The following STX3 variants were observed in gnomAD, a reference collection of about 807,000 sequenced individuals.
STX3 encodes the protein syntaxin-3.
A neutral mutation model predicts 40.2 loss-of-function variants in STX3; 19 were observed. That is an observed-to-expected ratio of 0.47 (90% CI 0.33 to 0.69). STX3 has a LOEUF of 0.69. STX3 is among the 30% of genes least tolerant of loss of function. The pLI is 0.02. For missense variants in STX3, 364 were observed against 366.7 expected (o/e 0.99, Z 0.06); for synonymous variants, 122 against 132.2 (o/e 0.92, Z 0.53).
In STX3 at chr11:59,757,809, C is replaced by G. The variant is rs543620546; in HGVS notation, c.30+2174C>G. Among the ~76,000 whole-genome samples, 14 of 152,216 alleles carry G rather than the reference C, an allele frequency of 9.2e-5. No individual in the cohort carries two copies. The South Asian group carries it at 2.5e-3, about 27-fold the overall frequency. On this transcript the variant is annotated intron_variant, in intron 1 of 10. Coordinates refer to ENST00000337979, the MANE Select transcript of STX3 (RefSeq NM_004177.5). Reference sequence around the variant, plus strand: ...AGAATTGAGTTGATCTCAGAAGCCCCCTCTGGCGTTATTATAGGTTTTTCT... The same window carrying G: ...AGAATTGAGTTGATCTCAGAAGCCCGCTCTGGCGTTATTATAGGTTTTTCT...
intron 2 of STX3, among the ~76,000 whole-genome samples, chr11:59,785,548 C>T (rs1354274926): frequency 6.6e-6 from 1 of 152,114 alleles, no homozygotes; most frequent in Non-Finnish European, 1.5e-5. Context: ...CCAGGCTGAT[C>T]TTGAACTCCT....
intron 1 of STX3, among the ~76,000 whole-genome samples, chr11:59,765,867 AT>A (rs1322310248): frequency 2.0e-5 from 3 of 152,218 alleles, no homozygotes; most frequent in Non-Finnish European, 4.4e-5. Context: ...TTTGAGTTAA[AT>A]TTATTGGGAG....
chr11:59,762,076 A>G (rs1565161484), intron 1 of STX3, among the ~76,000 whole-genome samples: 1 of 152,208 alleles, frequency 6.6e-6, no homozygotes, highest in Non-Finnish European at 1.5e-5. Context: ...GATCCAGGAC[A>G]CCACATTGCA....
At chr11:59,767,745 G>C (rs1863347925) in intron 1 of STX3, among the ~76,000 whole-genome samples, 1 of 152,114 alleles carries the variant, frequency 6.6e-6, no homozygotes, top group Non-Finnish European at 1.5e-5. Flanking sequence ...CAGAAACCTG[G>C]GTTCTATTCC....
intron 2 of STX3, among the ~76,000 whole-genome samples, chr11:59,774,283 T>G (rs1396407561): frequency 6.6e-6 from 1 of 152,084 alleles, no homozygotes; most frequent in East Asian, 1.9e-4. Flanking sequence ...TGAACGTTCC[T>G]TAACAATCTG....
chr11:59,787,099 C>G lies in STX3; in HGVS notation c.177C>G (p.Leu59=), dbSNP rs1864829612. Residue 59 remains leucine (L), a synonymous_variant, in exon 3 of 11, where the codon CTC becomes CTG. Coordinates refer to ENST00000337979, the MANE Select transcript of STX3 (RefSeq NM_004177.5). ...AACATGTAGAGGAGGCTAAGAAACTCTACAGTATCATTCTCTCTGCACCGA... is the reference window on the plus strand; with the variant it reads ...AACATGTAGAGGAGGCTAAGAAACTGTACAGTATCATTCTCTCTGCACCGA... The part of the protein sequence containing the change: ...ISEHVEEAKK[L]YSIILSAPIP... The G allele has an allele frequency of 1.2e-6, 2 of 1,614,200 alleles. No homozygotes were observed. The highest frequency in any genetic ancestry group is 4.5e-5 in the East Asian group (2 of 44,892).
intron 5 of STX3, among the ~76,000 whole-genome samples, chr11:59,791,785 C>A (rs779784189): frequency 1.3e-5 from 2 of 152,138 alleles, no homozygotes; most frequent in African/African-American, 4.8e-5. Flanking sequence ...TTTTAGAATG[C>A]AAGCCAAGTG....
chr11:59,776,230 T>A (rs1227549146), intron 2 of STX3, among the ~76,000 whole-genome samples: 3 of 152,302 alleles, frequency 2.0e-5, no homozygotes, highest in Admixed American at 2.0e-4. Flanking sequence ...CTCTGCCCAT[T>A]ACCAGTGGTA....
In STX3 at chr11:59,802,297, A is replaced by G; in HGVS notation, c.*1473A>G. On this transcript the variant is annotated 3_prime_UTR_variant, in exon 11 of 11. Coordinates refer to ENST00000337979, the MANE Select transcript of STX3 (RefSeq NM_004177.5). Reference sequence around the variant, plus strand: ...AGTGTCTGTGCTAACCCAGTGGTAAATCCCTTAGATCCCCTGCTGGTCTCT... The same window carrying G: ...AGTGTCTGTGCTAACCCAGTGGTAAGTCCCTTAGATCCCCTGCTGGTCTCT... 2.0e-6 allele frequency: 2 copies of G among 985,434 alleles called. No individual in the cohort carries two copies. The highest frequency in any genetic ancestry group is 2.4e-6 in the Non-Finnish European group (2 of 829,936). The allele number at this position is 985,434 out of a possible 1,614,324, so 61.0% of individuals were successfully genotyped here. A position where few individuals can be genotyped will look rare whatever the true frequency, so the allele number is the denominator to read the frequency against.
intron 2 of STX3, among the ~76,000 whole-genome samples, chr11:59,779,300 TG>T (rs1459657009): frequency 6.6e-6 from 1 of 152,186 alleles, no homozygotes; most frequent in Non-Finnish European, 1.5e-5. Flanking sequence ...GACCCTCTTC[TG>T]GGTTGTGGAC....
chr11:59,787,401 G>C (rs1452227994), intron 3 of STX3, among the ~76,000 whole-genome samples: 1 of 152,078 alleles, frequency 6.6e-6, no homozygotes, highest in African/African-American at 2.4e-5. Context: ...GACTGGCGAC[G>C]ATTCCCACTG....
rs1199537956 is a variant in STX3, at chr11:59,799,687, T to TA, written c.*31-1167dup. 1.1e-5 allele frequency: 11 copies of TA among 985,332 alleles called. No individual in the cohort carries two copies. In the Admixed American group the frequency reaches 3.7e-4, roughly 33 times the overall value. 61.0% of individuals were successfully genotyped at this position (985,332 alleles called of 1,614,324 possible). The stretch of plus-strand genomic sequence containing the variant: ...ATATTTGTTTCAGTGTGTCTCTTCT[T>TA]ATTCCTCCTCCTTCCATGTGACCAG... On this transcript the variant is annotated intron_variant, in intron 10 of 10. Coordinates refer to ENST00000337979, the MANE Select transcript of STX3 (RefSeq NM_004177.5).
intron 1 of STX3, among the ~76,000 whole-genome samples, chr11:59,771,411 C>CCCCCCCCCCCCCCCA (rs1863634683): frequency 8.4e-6 from 1 of 118,402 alleles, no homozygotes; most frequent in Non-Finnish European, 1.7e-5. Flanking sequence ...CCTCCCCCCC[C>CCCCCCCCCCCCCCCA]CCGCCCGCCC....
chr11:59,755,848 T>G (rs1463118304), intron 1 of STX3, among the ~76,000 whole-genome samples: 2 of 152,130 alleles, frequency 1.3e-5, no homozygotes, highest in Admixed American at 1.3e-4. Context: ...ATGATTTTCC[T>G]GAACGCCTCT....
chr11:59,796,439 G>C (rs147575925), intron 9 of STX3, among the ~76,000 whole-genome samples: 1 of 152,302 alleles, frequency 6.6e-6, no homozygotes, highest in African/African-American at 2.4e-5. Flanking sequence ...TATTGTTGTT[G>C]TTTAGTTCTT....
chr11:59,776,564 A>G (rs1396253465), intron 2 of STX3, among the ~76,000 whole-genome samples: 21 of 152,342 alleles, frequency 1.4e-4, no homozygotes, highest in Admixed American at 1.2e-3. Context: ...CCTGCAGGTT[A>G]TATAACTAAG....
chr11:59,770,617 T>C (rs1406563671), intron 1 of STX3, among the ~76,000 whole-genome samples: 5 of 152,106 alleles, frequency 3.3e-5, no homozygotes, highest in African/African-American at 1.2e-4. Flanking sequence ...GGGAACATTT[T>C]GTCTCAAACT....
intron 1 of STX3, among the ~76,000 whole-genome samples, chr11:59,769,200 C>A (rs755820916): frequency 6.6e-6 from 1 of 152,094 alleles, no homozygotes; most frequent in African/African-American, 2.4e-5. Context: ...GTATAGAGCC[C>A]TGGCCATTAT....
chr11:59,775,207 T>C (rs192373274), intron 2 of STX3, among the ~76,000 whole-genome samples: 1 of 152,308 alleles, frequency 6.6e-6, no homozygotes, highest in Admixed American at 6.5e-5. Flanking sequence ...GATTGGGAAG[T>C]TGGCTGTAAA....
Sources: gnomAD v4.1 joint callset for allele counts (sites outside exome capture counted in the v4.1 genomes callset) on GRCh38, gnomAD v4.1.1 for gene constraint, MANE v1.5 for transcripts, NCBI Gene and HGNC (gene_info 2026-07-23, HGNC 2026-07-21) for gene names.